Variants in RYR2 observed in about 807,000 individuals in gnomAD.
The protein encoded by RYR2 is cardiac muscle ryanodine receptor-calcium release channel.
A neutral mutation model predicts 601.1 loss-of-function variants in RYR2; 227 were observed. That is an observed-to-expected ratio of 0.38 (90% CI 0.34 to 0.42). RYR2 has a LOEUF of 0.42. RYR2 is among the 10% of genes least tolerant of loss of function. The pLI, the probability that RYR2 is intolerant of heterozygous loss-of-function variation, is 1.00. For missense variants in RYR2, 4,646 were observed against 6,156.5 expected, an observed-to-expected ratio of 0.75 and a Z score of 8.21; for synonymous variants, 2,223 against 2,175.1, an observed-to-expected ratio of 1.02 and a Z score of -0.61.
chr1:237,449,906 G>C (rs1361275971), intron 14 of RYR2, among the ~76,000 whole-genome samples: 1 of 151,976 alleles, frequency 6.6e-6, no homozygotes, highest in African/African-American at 2.4e-5. Context: ...AAATATTCTT[G>C]AGCTTTTTCC....
intron 1 of RYR2, among the ~76,000 whole-genome samples, chr1:237,165,236 G>A (rs1034567682): frequency 2.6e-5 from 4 of 152,084 alleles, no homozygotes; most frequent in African/African-American, 9.7e-5. Context: ...ACAAGAGTGA[G>A]GTAAAGTGGT....
chr1:237,305,686 C>A (rs1004887094), intron 2 of RYR2, among the ~76,000 whole-genome samples: 5 of 152,294 alleles, frequency 3.3e-5, no homozygotes, highest in African/African-American at 1.2e-4. Context: ...CCAGCCTTGG[C>A]CTCCCAGAAT....
chr1:237,757,855 G>A (rs544012477), intron 82 of RYR2, 79 bp downstream of exon 82: 3 of 955,080 alleles, frequency 3.1e-6, no homozygotes, highest in South Asian at 1.5e-5. Flanking sequence ...GTTGTAAAAT[G>A]TTTTATTTTC....
intron 1 of RYR2, among the ~76,000 whole-genome samples, chr1:237,215,805 T>G (rs6663087): frequency 0.36 from 54,581 of 152,020 alleles, 10,189 homozygotes; most frequent in East Asian, 0.61. Flanking sequence ...AAAATTCCCC[T>G]CCAAAGTTTC....
chr1:237,372,075 C>A (rs1051168415), intron 6 of RYR2, among the ~76,000 whole-genome samples: 59 of 152,168 alleles, frequency 3.9e-4, no homozygotes, highest in African/African-American at 1.4e-3. Flanking sequence ...ATAAAAAATA[C>A]CACTATCCAA....
chr1:237,371,165 T>C (rs1700613193), intron 6 of RYR2, among the ~76,000 whole-genome samples: 2 of 152,022 alleles, frequency 1.3e-5, no homozygotes, highest in Non-Finnish European at 2.9e-5. Context: ...ATTTATATCA[T>C]TTTGTTTTTT....
At chr1:237,148,729 AAG>A (rs1412247860) in intron 1 of RYR2, among the ~76,000 whole-genome samples, 1 of 151,820 alleles carries the variant, frequency 6.6e-6, no homozygotes, top group Non-Finnish European at 1.5e-5. Flanking sequence ...GGTTTTGGAC[AAG>A]CCAATCTGAG....
chr1:237,735,408 A>C (rs1277070645), intron 79 of RYR2, among the ~76,000 whole-genome samples: 2 of 152,168 alleles, frequency 1.3e-5, no homozygotes, highest in Non-Finnish European at 2.9e-5. Context: ...CTTGTTTTTA[A>C]AGAGAGAGCC....
chr1:237,188,884 T>C (rs1331764689), intron 1 of RYR2, among the ~76,000 whole-genome samples: 3 of 152,196 alleles, frequency 2.0e-5, no homozygotes, highest in Non-Finnish European at 4.4e-5. Flanking sequence ...TTGTTTTTTA[T>C]TGTGATAAAA....
intron 72 of RYR2, 86 bp downstream of exon 72, chr1:237,717,454 CA>C: frequency 2.7e-6 from 3 of 1,114,806 alleles, no homozygotes; most frequent in Non-Finnish European, 3.7e-6. Context: ...TGCCCTATGT[CA>C]ATATTTCATT....
chr1:237,189,298 C>T (rs145028772), intron 1 of RYR2, among the ~76,000 whole-genome samples: 29 of 152,230 alleles, frequency 1.9e-4, no homozygotes, highest in African/African-American at 5.5e-4. Context: ...TTTATCTGTT[C>T]GTCTGTTAAT....
At chr1:237,250,317 G>A (rs1687318684) in intron 1 of RYR2, among the ~76,000 whole-genome samples, 1 of 152,136 alleles carries the variant, frequency 6.6e-6, no homozygotes, top group Non-Finnish European at 1.5e-5. Flanking sequence ...TGCTTTGAGT[G>A]CCCTTGTTGC....
chr1:237,781,250 A>T (rs1397919406), intron 88 of RYR2, among the ~76,000 whole-genome samples: 1 of 152,068 alleles, frequency 6.6e-6, no homozygotes, highest in Non-Finnish European at 1.5e-5. Context: ...GGTTTTTGCC[A>T]TGTTGCCCAG....
intron 88 of RYR2, 90 bp from the exon 89 acceptor site, chr1:237,781,475 C>T (rs1695106839): frequency 1.5e-6 from 1 of 671,010 alleles, no homozygotes; most frequent in Non-Finnish European, 2.7e-6. Context: ...TATTTATTGC[C>T]AGAGCAGCAT....
chr1:237,177,466 C>A (rs1167420653), intron 1 of RYR2, among the ~76,000 whole-genome samples: 2 of 152,120 alleles, frequency 1.3e-5, no homozygotes, highest in East Asian at 1.9e-4. Flanking sequence ...TAAGCTTATT[C>A]TCTTGCTTTC....
chr1:237,171,850 A>T (rs1008957), intron 1 of RYR2, among the ~76,000 whole-genome samples: 61,432 of 152,130 alleles, frequency 0.4, 15,059 homozygotes, highest in Non-Finnish European at 0.53. Flanking sequence ...GCTCTGTGCT[A>T]TCATAAGGAG....
chr1:237,792,364 T>TGTGTGTGTGTGCGC (rs1553327282), intron 94 of RYR2, 41 bp downstream of exon 94: 4 of 876,236 alleles, frequency 4.6e-6, no homozygotes, highest in South Asian at 3.4e-5. Flanking sequence ...TGTGTGTGTG[T>TGTGTGTGTGTGCGC]GTGTGTGTGT....
chr1:237,346,980 C>T (rs949272712), intron 3 of RYR2, among the ~76,000 whole-genome samples: 1 of 151,976 alleles, frequency 6.6e-6, no homozygotes, highest in Non-Finnish European at 1.5e-5. Context: ...AGGTAGATAC[C>T]TCAGTTTGAG....
intron 2 of RYR2, among the ~76,000 whole-genome samples, chr1:237,308,043 C>T (rs61834134): frequency 0.32 from 44,590 of 139,648 alleles, 8,351 homozygotes; most frequent in South Asian, 0.5. Context: ...AAAATGAGGC[C>T]GGAACTTGCT....
Sources: allele counts gnomAD v4.1 joint callset (sites outside exome capture counted in the v4.1 genomes callset), GRCh38; gene constraint gnomAD v4.1.1; transcripts MANE v1.5; gene names NCBI Gene and HGNC (gene_info 2026-07-23, HGNC 2026-07-21).